Variants in CIBAR2 observed in about 807,000 individuals in gnomAD.
CIBAR2 encodes the protein CBY1-interacting BAR domain-containing protein 2.
CIBAR2 carries 38 observed loss-of-function variants against 36.2 expected under a neutral mutation model. The observed-to-expected ratio is 1.05, with a 90% confidence interval of 0.81 to 1.38. CIBAR2 has a LOEUF of 1.38. Ranked by LOEUF, CIBAR2 falls within the 40% of genes most tolerant of loss-of-function variation. The pLI is 0.00. For missense variants in CIBAR2, 481 were observed against 383.4 expected, an observed-to-expected ratio of 1.25 and a Z score of -2.13; for synonymous variants, 182 against 149.5, an observed-to-expected ratio of 1.22 and a Z score of -1.58.
chr16:85,107,798 G>A (rs2074008092), intron 4 of CIBAR2, 48 bp downstream of exon 4: 7 of 1,576,694 alleles, frequency 4.4e-6, no homozygotes, highest in South Asian at 1.1e-5. Context: ...CAGTGTGAGT[G>A]GACACCCTGG....
intron 7 of CIBAR2, 133 bp from the exon 8 acceptor site, chr16:85,100,373 C>A (rs1457539123): frequency 8.8e-6 from 5 of 567,598 alleles, no homozygotes; most frequent in Non-Finnish European, 1.6e-5. Flanking sequence ...CGGTCCTCTC[C>A]AGGAGCTTCC....
intron 7 of CIBAR2, among the ~76,000 whole-genome samples, chr16:85,101,681 T>TTG (rs941410839): frequency 6.9e-6 from 1 of 144,376 alleles, no homozygotes; most frequent in Non-Finnish European, 1.5e-5. Context: ...GTTTTTGTTT[T>TTG]TTTTTTTTGA....
chr16:85,101,025 G>A (rs2073951515), intron 7 of CIBAR2, among the ~76,000 whole-genome samples: 5 of 149,728 alleles, frequency 3.3e-5, no homozygotes, highest in African/African-American at 1.0e-4. Flanking sequence ...CAGCCTGGGC[G>A]ACACAGCGAG....
At chr16:85,107,195 C>G (rs1175966601) in intron 5 of CIBAR2, among the ~76,000 whole-genome samples, 3 of 152,126 alleles carry the variant, frequency 2.0e-5, no homozygotes, top group Admixed American at 6.5e-5. Context: ...CACACTCAGT[C>G]ACAAATCAGT....
chr16:85,110,088 G>C (rs561242786), intron 2 of CIBAR2, 138 bp downstream of exon 2: 1 of 618,452 alleles, frequency 1.6e-6, no homozygotes, highest in African/African-American at 1.9e-5. Flanking sequence ...GGGTGTAAAT[G>C]TCCATTGTCG....
intron 2 of CIBAR2, 89 bp downstream of exon 2, chr16:85,110,137 C>T (rs1304439722): frequency 9.9e-7 from 1 of 1,005,274 alleles, no homozygotes; most frequent in East Asian, 2.5e-5. Context: ...GCTGTGGCCA[C>T]AGCAGGGCTC....
chr16:85,109,006 G>A (rs749263600), intron 2 of CIBAR2, among the ~76,000 whole-genome samples: 4 of 152,196 alleles, frequency 2.6e-5, no homozygotes, highest in Non-Finnish European at 5.9e-5. Context: ...GTCTCCTGGT[G>A]CCCTGGTCTT....
intron 4 of CIBAR2, 60 bp from the exon 5 acceptor site, chr16:85,107,732 G>A (rs756157389): frequency 3.3e-5 from 53 of 1,604,268 alleles, no homozygotes; most frequent in Middle Eastern, 3.3e-4. Context: ...GGGGTGGTCC[G>A]CCCCCTTCAC....
chr16:85,100,306 G>T, intron 7 of CIBAR2, 66 bp from the exon 8 acceptor site: 4 of 1,036,498 alleles, frequency 3.9e-6, no homozygotes, highest in Non-Finnish European at 5.9e-6. Context: ...GGGGGAGTGG[G>T]ATGGAAAGAC....
At position 85,103,808 on chromosome 16, in the gene CIBAR2, C is replaced by G. The variant is rs954471993; in HGVS notation, c.538-1481G>C. 2.0e-5 allele frequency among the ~76,000 whole-genome samples: 3 copies of G among 152,206 alleles called. 1 individual carries two copies. Among genetic ancestry groups the G allele is most frequent in the African/African-American group, 7.2e-5 (3 of 41,434 alleles). On this transcript the variant is annotated intron_variant, in intron 6 of 8. Coordinates refer to ENST00000539556, the MANE Select transcript of CIBAR2 (RefSeq NM_198491.3). ...TGGTGGCTGGGATTCGGCAGGGGTCCTGTCCTGTGGCACTGACATGCAGTG... is the reference window on the plus strand; with the variant it reads ...TGGTGGCTGGGATTCGGCAGGGGTCGTGTCCTGTGGCACTGACATGCAGTG...
chr16:85,101,495 G>A (rs2073954936), intron 7 of CIBAR2, among the ~76,000 whole-genome samples: 1 of 152,244 alleles, frequency 6.6e-6, no homozygotes, highest in East Asian at 1.9e-4. Context: ...CATGATAACT[G>A]ATTGTTGCTT....
At chr16:85,111,492 C>T (rs2074042179) in intron 1 of CIBAR2, among the ~76,000 whole-genome samples, 1 of 152,100 alleles carries the variant, frequency 6.6e-6, no homozygotes, top group African/African-American at 2.4e-5. Context: ...GCTCCTAGGC[C>T]CCCGACCCCA....
At position 85,112,372 on chromosome 16, in the gene CIBAR2, G is replaced by A. The variant is rs753522842; in HGVS notation, c.-20C>T. 9 of 1,612,956 alleles carry A rather than the reference G, an allele frequency of 5.6e-6. No individual in the cohort carries two copies. The highest frequency in any genetic ancestry group is 2.7e-5 in the African/African-American group (2 of 74,904). The stretch of plus-strand genomic sequence containing the variant: ...GTTCATTGTGACCAGAGCTTTGGCT[G>A]TCCCGGTGCTGGGGAATAAGGACAG... On this transcript the variant is annotated 5_prime_UTR_variant, in exon 1 of 9. Transcript: ENST00000539556.
Position 85,098,704 on chromosome 16 carries a change from C to A in CIBAR2, c.*481G>T, listed in dbSNP as rs1411352355. 2 of 861,158 alleles carry A rather than the reference C, an allele frequency of 2.3e-6. No individual in the cohort carries two copies. The highest frequency in any genetic ancestry group is 2.8e-6 in the Non-Finnish European group (2 of 716,494). 53.3% of individuals were successfully genotyped at this position (861,158 alleles called of 1,614,324 possible). ...ACTCTAAATAATAATAATAATAAAA[C>A]GACAGCAACATCAGTAATGATAATG... is the stretch of plus-strand genomic sequence containing the variant. On this transcript the variant is annotated 3_prime_UTR_variant, in exon 9 of 9. Transcript: ENST00000539556.
At chr16:85,111,553 A>G (rs755130360) in intron 1 of CIBAR2, among the ~76,000 whole-genome samples, 4 of 152,162 alleles carry the variant, frequency 2.6e-5, no homozygotes, top group Non-Finnish European at 4.4e-5. Flanking sequence ...TGCGTTTTAA[A>G]AACACATCCA....
rs1235687196 is a variant in CIBAR2 at position 85,099,270 on chromosome 16, A to G, written c.830T>C (p.Leu277Pro). 1 of 1,613,930 alleles carries G rather than the reference A, an allele frequency of 6.2e-7. No homozygotes were observed. Among genetic ancestry groups the G allele is most frequent in the Non-Finnish European group, 8.5e-7 (1 of 1,179,920 alleles). Residue 277 changes from leucine to proline, a missense_variant, in exon 9 of 9, where the codon CTC becomes CCC. Coordinates refer to ENST00000539556, the MANE Select transcript of CIBAR2 (RefSeq NM_198491.3). ...CTGCCCCTTAACCACCCACTCACAG[A>G]GACTAAACCTGCCATGATTGGCATG... Reference protein sequence around the residue: ...HPHANHGRFSLCEWVVKGQPA... With the variant: ...HPHANHGRFSPCEWVVKGQPA...
rs1367719452 is a variant in CIBAR2 at position 85,112,328 on chromosome 16, C to T, written c.20+5G>A. The T allele has an allele frequency of 1.2e-6, 2 of 1,614,018 alleles. No individual in the cohort carries two copies. The highest frequency in any genetic ancestry group is 1.3e-5 in the African/African-American group (1 of 75,060). ...TCACAGCCAGGCTGGCGCTGGCCCACTCACCTGGAGAAGACGATGTTCATT... is the reference window on the plus strand; with the variant it reads ...TCACAGCCAGGCTGGCGCTGGCCCATTCACCTGGAGAAGACGATGTTCATT... On this transcript the variant is annotated splice_donor_5th_base_variant and intron_variant, in intron 1 of 8. Coordinates refer to ENST00000539556, the MANE Select transcript of CIBAR2 (RefSeq NM_198491.3).
At chr16:85,109,158 C>G (rs938352617) in intron 2 of CIBAR2, among the ~76,000 whole-genome samples, 1 of 152,060 alleles carries the variant, frequency 6.6e-6, no homozygotes, top group Non-Finnish European at 1.5e-5. Context: ...TGCCTGTAAT[C>G]CCAGCACTTT....
At chr16:85,107,109 T>C (rs913739034) in intron 5 of CIBAR2, among the ~76,000 whole-genome samples, 1 of 151,718 alleles carries the variant, frequency 6.6e-6, no homozygotes, top group African/African-American at 2.4e-5. Context: ...CTCTGCCACT[T>C]GCCCTCCAGC....
Sources: gnomAD v4.1 joint callset for allele counts (sites outside exome capture counted in the v4.1 genomes callset) on GRCh38, gnomAD v4.1.1 for gene constraint, MANE v1.5 for transcripts, NCBI Gene and HGNC (gene_info 2026-07-23, HGNC 2026-07-21) for gene names.